The following TBX4 variants were observed in gnomAD, a reference collection of about 807,000 sequenced individuals.
The protein encoded by TBX4 is T-box transcription factor TBX4.
TBX4 carries 13 observed loss-of-function variants against 54.6 expected under a neutral mutation model. The ratio of observed to expected loss-of-function variants is 0.24; its 90% CI spans 0.15 to 0.38. TBX4 has a LOEUF of 0.38. Ranked by LOEUF, TBX4 falls within the 10% of genes least tolerant of loss-of-function variation. The pLI is 1.00. For synonymous variants in TBX4, 314 were observed against 306.7 expected (o/e 1.02, Z -0.25); for missense variants, 631 against 728.5 (o/e 0.87, Z 1.54).
rs182502261 is a variant in TBX4, at chr17:61,455,794, G to A, written c.-3-694G>A. Among the ~76,000 whole-genome samples the A allele has an allele frequency of 5.9e-5, 9 of 152,350 alleles. No homozygotes were observed. In the East Asian group the frequency reaches 1.7e-3, roughly 29 times the overall value. ...ATCAGTCACCCAGGAGAGTGTGGCT[G>A]CTCAGGCTGGTGGGATGCTGTGTGA... On this transcript the variant is annotated intron_variant, in intron 1 of 8. Transcript: ENST00000644296.
At position 61,462,960 on chromosome 17, in the gene TBX4, G is replaced by A. The variant is rs1361915023; in HGVS notation, c.282-2859G>A. The A allele has an allele frequency of 1.3e-5, 2 of 152,274 alleles. No homozygotes were observed. The highest frequency in any genetic ancestry group is 2.9e-5 in the Non-Finnish European group (2 of 68,072). The allele number at this position is 152,274 out of a possible 1,614,324, so 9.4% of individuals were successfully genotyped here. ...TAGGCACCAACTTTAGTCCCTTCAA[G>A]AACCCAAGGGCAGATGCCCAAGGGG... is the stretch of plus-strand genomic sequence containing the variant. On this transcript the variant is annotated intron_variant, in intron 3 of 8. Coordinates refer to ENST00000644296, the MANE Select transcript of TBX4 (RefSeq NM_001321120.2). The surrounding 1 kb of genome is among the most constrained non-coding windows in gnomAD (Gnocchi z 4.5).
intron 5 of TBX4, among the ~76,000 whole-genome samples, chr17:61,471,368 C>CTAT (rs1322447568): frequency 1.3e-5 from 2 of 152,176 alleles, no homozygotes; most frequent in Non-Finnish European, 2.9e-5. Context: ...AATTTTATAC[C>CTAT]TATTTGCATC....
Position 61,457,453 on chromosome 17 carries a change from C to A in TBX4, c.187-84C>A. The A allele has an allele frequency of 7.4e-7, 1 of 1,354,898 alleles. No individual in the cohort carries two copies. Among genetic ancestry groups the A allele is most frequent in the Non-Finnish European group, 1.1e-6 (1 of 945,128 alleles). The allele number at this position is 1,354,898 out of a possible 1,614,324, so 83.9% of individuals were successfully genotyped here. A position where few individuals can be genotyped will look rare whatever the true frequency, so the allele number is the denominator to read the frequency against. ...CGGGCGGGCAGGGTTCCGCACAGCT[C>A]TTCGGGTCTGGTTCTTCTTTCCTCA... is the stretch of plus-strand genomic sequence containing the variant. On this transcript the variant is annotated intron_variant, in intron 2 of 8. Transcript: ENST00000644296. This position sits in a 1 kb window ranked among gnomAD's most constrained non-coding sequence, Gnocchi z 8.2.
In TBX4 at chr17:61,457,639, C is replaced by G; in HGVS notation, c.281+8C>G. ...CATCACTAAGGCTGGCAGGTCAGCG[C>G]TGGGAGATTTACTTCCGGGGATGGC... On this transcript the variant is annotated splice_region_variant and intron_variant, in intron 3 of 8. Transcript: ENST00000644296. The surrounding 1 kb of genome is among the most constrained non-coding windows in gnomAD (Gnocchi z 8.2). 6.2e-7 allele frequency: 1 copy of G among 1,613,426 alleles called. No individual in the cohort carries two copies. The highest frequency in any genetic ancestry group is 8.5e-7 in the Non-Finnish European group (1 of 1,179,652).
chr17:61,478,458 C>T lies in TBX4; in HGVS notation c.550-169C>T. On this transcript the variant is annotated intron_variant, in intron 5 of 8. Transcript: ENST00000644296. This position sits in a 1 kb window ranked among gnomAD's most constrained non-coding sequence, Gnocchi z 7.4. Reference sequence around the variant, plus strand: ...GGGCTGGGGTGGGGAGAGTTTGGGGCCCAGGGGCCTGGTTCTTCACTTGGG... The same window carrying T: ...GGGCTGGGGTGGGGAGAGTTTGGGGTCCAGGGGCCTGGTTCTTCACTTGGG... 1.2e-6 allele frequency: 1 copy of T among 844,306 alleles called. No homozygotes were observed. The highest frequency in any genetic ancestry group is 1.6e-5 in the South Asian group (1 of 63,718). 52.3% of individuals were successfully genotyped at this position (844,306 alleles called of 1,614,324 possible). A position where few individuals can be genotyped will look rare whatever the true frequency, so the allele number is the denominator to read the frequency against.
At chr17:61,468,040 A>G (rs1010695281) in intron 5 of TBX4, among the ~76,000 whole-genome samples, 2 of 152,248 alleles carry the variant, frequency 1.3e-5, no homozygotes, top group Admixed American at 1.3e-4. Context: ...GTCAGATCTC[A>G]GCTTCAGTTC....
rs1419408097 is a variant in TBX4 at position 61,462,086 on chromosome 17, T to C, written c.282-3733T>C. 6.6e-6 allele frequency among the ~76,000 whole-genome samples: 1 copy of C among 151,660 alleles called. No individual in the cohort carries two copies. Among genetic ancestry groups the C allele is most frequent in the Non-Finnish European group, 1.5e-5 (1 of 67,894 alleles). ...CAGCAGTGAGTTCGCAGTTACGGGT[T>C]TGTTGCCAGAATTAAAAAAGCCCCA... On this transcript the variant is annotated intron_variant, in intron 3 of 8. Transcript: ENST00000644296. The surrounding 1 kb of genome is among the most constrained non-coding windows in gnomAD (Gnocchi z 4.5).
At position 61,475,111 on chromosome 17, in the gene TBX4, A is replaced by C. The variant is rs1264843134; in HGVS notation, c.550-3516A>C. Among the ~76,000 whole-genome samples the C allele has an allele frequency of 1.3e-5, 2 of 152,180 alleles. No individual in the cohort carries two copies. Among genetic ancestry groups the C allele is most frequent in the Non-Finnish European group, 2.9e-5 (2 of 68,036 alleles). ...GGGTTACCCTCACCTAGTGGCTCCC[A>C]CCTGCCCCTGTAGGACTGGCAGCTT... On this transcript the variant is annotated intron_variant, in intron 5 of 8. Coordinates refer to ENST00000644296, the MANE Select transcript of TBX4 (RefSeq NM_001321120.2). This position sits in a 1 kb window ranked among gnomAD's most constrained non-coding sequence, Gnocchi z 5.0.
chr17:61,467,413 T>A, intron 4 of TBX4, 97 bp from the exon 5 acceptor site: 3 of 1,452,612 alleles, frequency 2.1e-6, no homozygotes, highest in Non-Finnish European at 2.9e-6. Context: ...AGCTATTTTT[T>A]CCTCTGGTCA....
chr17:61,480,397 C>CA lies in TBX4; in HGVS notation c.1021+78_1021+79insA. 1 of 1,075,972 alleles carries CA rather than the reference C, an allele frequency of 9.3e-7. No homozygotes were observed. The highest frequency in any genetic ancestry group is 2.0e-5 in the African/African-American group (1 of 51,102). The allele number at this position is 1,075,972 out of a possible 1,614,324, so 66.7% of individuals were successfully genotyped here. On this transcript the variant is annotated intron_variant, in intron 8 of 8. Coordinates refer to ENST00000644296, the MANE Select transcript of TBX4 (RefSeq NM_001321120.2). The surrounding 1 kb of genome is among the most constrained non-coding windows in gnomAD (Gnocchi z 6.2). ...CTCCCCGAAACCACTCTGCAGCGCC[C>CA]CCCCCCCCAACACACACACACTCAT...
In TBX4 at chr17:61,483,334, G is replaced by A; in HGVS notation, c.1459G>A (p.Gly487Arg). 6.2e-7 allele frequency: 1 copy of A among 1,610,262 alleles called. No homozygotes were observed. Among genetic ancestry groups the A allele is most frequent in the Non-Finnish European group, 8.5e-7 (1 of 1,176,960 alleles). ...QLSQSQVRER[G>R]PSASFPRERG... The stretch of plus-strand genomic sequence containing the variant: ...CTCCCAGTCTCAGGTCCGAGAGCGG[G>A]GGCCCAGCGCCTCATTCCCAAGAGA... The change falls in exon 9 of 9, where the codon GGG becomes AGG. Residue 487 changes from glycine (G) to arginine (R), a missense_variant. Around this residue, in one of 3 missense-constraint regions of TBX4, gnomAD observed 354 missense variants for 368.9 expected, o/e 0.96. Transcript: ENST00000644296. This position sits in a 1 kb window ranked among gnomAD's most constrained non-coding sequence, Gnocchi z 6.6.
chr17:61,456,627 G>GC lies in TBX4; in HGVS notation c.143dup (p.Pro50ThrfsTer24), dbSNP rs1414958198. 2 of 1,381,024 alleles carry GC rather than the reference G, an allele frequency of 1.4e-6. No individual in the cohort carries two copies. Among genetic ancestry groups the GC allele is most frequent in the Admixed American group, 3.3e-5 (1 of 30,044 alleles). The allele number at this position is 1,381,024 out of a possible 1,614,324, so 85.5% of individuals were successfully genotyped here. A position where few individuals can be genotyped will look rare whatever the true frequency, so the allele number is the denominator to read the frequency against. On this transcript the variant is annotated frameshift_variant, in exon 2 of 9. Transcript: ENST00000644296. LOFTEE classifies it high-confidence loss of function. Reference sequence around the variant, plus strand: ...GGCCTCAGCGGAGCCGCGCTAGGCAGCCCCCCGGGACCCGGGGCCGACGTC... The same window carrying GC: ...GGCCTCAGCGGAGCCGCGCTAGGCAGCCCCCCCGGGACCCGGGGCCGACGTC...
chr17:61,479,536 C>A lies in TBX4; in HGVS notation c.703-345C>A, dbSNP rs938026544. On this transcript the variant is annotated intron_variant, in intron 6 of 8. Coordinates refer to ENST00000644296, the MANE Select transcript of TBX4 (RefSeq NM_001321120.2). The surrounding 1 kb of genome is among the most constrained non-coding windows in gnomAD (Gnocchi z 6.1). ...GATGTTACAGGTCCCCAGGAGAGACCCATGGGGACAGAAGCCCGGCAGTGC... is the reference window on the plus strand; with the variant it reads ...GATGTTACAGGTCCCCAGGAGAGACACATGGGGACAGAAGCCCGGCAGTGC... Among the ~76,000 whole-genome samples the A allele has an allele frequency of 6.6e-6, 1 of 152,100 alleles. No individual in the cohort carries two copies. The highest frequency in any genetic ancestry group is 1.5e-5 in the Non-Finnish European group (1 of 68,016).
chr17:61,476,345 C>T lies in TBX4; in HGVS notation c.550-2282C>T, dbSNP rs187128223. On this transcript the variant is annotated intron_variant, in intron 5 of 8. Coordinates refer to ENST00000644296, the MANE Select transcript of TBX4 (RefSeq NM_001321120.2). This position sits in a 1 kb window ranked among gnomAD's most constrained non-coding sequence, Gnocchi z 6.5. ...TGAGAAAAGAATGGGAAAGGAAGATCGAGACAGCAGAGGGACCTGCATGTG... is the reference window on the plus strand; with the variant it reads ...TGAGAAAAGAATGGGAAAGGAAGATTGAGACAGCAGAGGGACCTGCATGTG... 4.0e-4 allele frequency among the ~76,000 whole-genome samples: 61 copies of T among 152,272 alleles called. No homozygotes were observed. The highest frequency in any genetic ancestry group is 1.3e-3 in the African/African-American group (56 of 41,548).
rs912902069 is a variant in TBX4 at position 61,458,316 on chromosome 17, A to C, written c.281+685A>C. The stretch of plus-strand genomic sequence containing the variant: ...CACGGCGGGGGTGGGGGTGAGTGAG[A>C]GATTCGCTGGGGCTGGTGGGGTGGG... On this transcript the variant is annotated intron_variant, in intron 3 of 8. Transcript: ENST00000644296. 2.2e-3 allele frequency among the ~76,000 whole-genome samples: 267 copies of C among 120,832 alleles called. 1 individual carries two copies. Among genetic ancestry groups the C allele is most frequent in the African/African-American group, 8.3e-3 (260 of 31,222 alleles). The allele number at this position is 120,832 out of a possible 152,430, so 79.3% of individuals were successfully genotyped here. A position where few individuals can be genotyped will look rare whatever the true frequency, so the allele number is the denominator to read the frequency against.
chr17:61,476,357 G>A lies in TBX4; in HGVS notation c.550-2270G>A, dbSNP rs1319054520. Among the ~76,000 whole-genome samples, 3 of 152,224 alleles carry A rather than the reference G, an allele frequency of 2.0e-5. No homozygotes were observed. Among genetic ancestry groups the A allele is most frequent in the Non-Finnish European group, 2.9e-5 (2 of 68,028 alleles). ...GGGAAAGGAAGATCGAGACAGCAGAGGGACCTGCATGTGCAAAGGTGCACA... is the reference window on the plus strand; with the variant it reads ...GGGAAAGGAAGATCGAGACAGCAGAAGGACCTGCATGTGCAAAGGTGCACA... On this transcript the variant is annotated intron_variant, in intron 5 of 8. Transcript: ENST00000644296. The surrounding 1 kb of genome is among the most constrained non-coding windows in gnomAD (Gnocchi z 6.5).
chr17:61,452,423 G>A lies in TBX4; in HGVS notation c.-158G>A, dbSNP rs527993785. ...CCTTGGAGATCAAGGGCCCGCTCCA[G>A]AGCCGGGATGTGTCCAGCCCCGAGG... On this transcript the variant is annotated 5_prime_UTR_variant, in exon 1 of 9. Transcript: ENST00000644296. 1 of 152,494 alleles carries A rather than the reference G, an allele frequency of 6.6e-6. No homozygotes were observed. The highest frequency in any genetic ancestry group is 6.5e-5 in the Admixed American group (1 of 15,310). The allele number at this position is 152,494 out of a possible 1,614,324, so 9.4% of individuals were successfully genotyped here.
At chr17:61,482,866 G>T in intron 8 of TBX4, 31 bp from the exon 9 acceptor site, 1 of 1,610,688 alleles carries the variant, frequency 6.2e-7, no homozygotes, top group South Asian at 1.1e-5. Context: ...TGGTGGAAAT[G>T]GTTCTTCCTG....
At chr17:61,477,941 C>CAA (rs10617980) in intron 5 of TBX4, among the ~76,000 whole-genome samples, 219 of 88,594 alleles carry the variant, frequency 2.5e-3, no homozygotes, top group East Asian at 3.9e-3. Context: ...GATTCCATCT[C>CAA]AAAAAAAAAA....
Sources: gnomAD v4.1 joint callset for allele counts (sites outside exome capture counted in the v4.1 genomes callset) on GRCh38, gnomAD v4.1.1 for gene constraint, gnomAD v4.1.1 regional missense constraint, Gnocchi (gnomAD v3.1) non-coding constraint, MANE v1.5 for transcripts, NCBI Gene and HGNC (gene_info 2026-07-23, HGNC 2026-07-21) for gene names.